Variants in ST6GALNAC5 observed in about 807,000 individuals in gnomAD.
The protein encoded by ST6GALNAC5 is alpha-N-acetylgalactosaminide alpha-2,6-sialyltransferase 5.
In ST6GALNAC5, 27 loss-of-function variants were observed where a neutral mutation model predicts 33.6. The observed-to-expected ratio is 0.80, with a 90% CI of 0.59 to 1.11. ST6GALNAC5 has a LOEUF of 1.11. ST6GALNAC5 is among the 50% of genes least tolerant of loss of function. ST6GALNAC5 has a pLI of 0.00. For synonymous variants in ST6GALNAC5, 194 were observed against 171.2 expected (o/e 1.13, Z -1.04); for missense variants, 428 against 454.0 (o/e 0.94, Z 0.52).
intron 2 of ST6GALNAC5, among the ~76,000 whole-genome samples, chr1:76,963,454 G>C (rs1157579027): frequency 3.3e-5 from 5 of 152,188 alleles, no homozygotes; most frequent in African/African-American, 9.6e-5. Context: ...ACCTTGAAAA[G>C]AGGAGATAAA....
chr1:76,912,855 C>G (rs201792363), intron 2 of ST6GALNAC5, among the ~76,000 whole-genome samples: 103 of 152,184 alleles, frequency 6.8e-4, no homozygotes, highest in Non-Finnish European at 1.2e-3. Context: ...ACACTGATGG[C>G]TCTTGACTCT....
At chr1:76,896,863 C>G (rs57468583) in intron 2 of ST6GALNAC5, among the ~76,000 whole-genome samples, 5,710 of 152,180 alleles carry the variant, frequency 0.038, 240 homozygotes, top group African/African-American at 0.11. Flanking sequence ...CCACTGCATG[C>G]AGACATGAGG....
chr1:77,006,877 G>T (rs914239042), intron 2 of ST6GALNAC5, among the ~76,000 whole-genome samples: 7 of 152,130 alleles, frequency 4.6e-5, no homozygotes, highest in Non-Finnish European at 1.0e-4. Flanking sequence ...GCTGTTCTCA[G>T]ATGGCCTCAG....
intron 4 of ST6GALNAC5, among the ~76,000 whole-genome samples, chr1:77,059,593 T>C (rs1652509760): frequency 6.6e-6 from 1 of 152,232 alleles, no homozygotes; most frequent in South Asian, 2.1e-4. Flanking sequence ...AGGTAATGTC[T>C]GCTGGGTTTA....
intron 4 of ST6GALNAC5, 48 bp downstream of exon 4, chr1:77,050,413 T>A (rs774756924): frequency 1.3e-6 from 2 of 1,542,584 alleles, no homozygotes; most frequent in East Asian, 4.5e-5. Flanking sequence ...TTGTGCAGGA[T>A]TTATAAATAT....
intron 2 of ST6GALNAC5, among the ~76,000 whole-genome samples, chr1:77,004,365 G>A (rs1271331228): frequency 2.0e-5 from 3 of 147,682 alleles, no homozygotes; most frequent in Middle Eastern, 3.3e-3. Context: ...GCACTTCTCT[G>A]TATTGGTTAT....
At chr1:76,898,666 G>A (rs1395016058) in intron 2 of ST6GALNAC5, among the ~76,000 whole-genome samples, 1 of 152,146 alleles carries the variant, frequency 6.6e-6, no homozygotes, top group African/African-American at 2.4e-5. Context: ...AGAAAAAGGA[G>A]CATTAACCTT....
chr1:77,060,005 C>G (rs182982544), intron 4 of ST6GALNAC5: 3 of 152,200 alleles, frequency 2.0e-5, no homozygotes, highest in South Asian at 4.2e-4. Flanking sequence ...CCAAGTCATC[C>G]GAAGCAGAGT....
chr1:76,965,443 C>G (rs930470694), intron 2 of ST6GALNAC5, among the ~76,000 whole-genome samples: 1 of 152,154 alleles, frequency 6.6e-6, no homozygotes, highest in Non-Finnish European at 1.5e-5. Context: ...CCTTTGCCCT[C>G]TTTTTGATGG....
At chr1:76,991,893 A>G (rs1427849081) in intron 2 of ST6GALNAC5, among the ~76,000 whole-genome samples, 1 of 152,048 alleles carries the variant, frequency 6.6e-6, no homozygotes, top group African/African-American at 2.4e-5. Context: ...TGAATTCTCA[A>G]ACTTTTAAAA....
chr1:77,003,594 C>A (rs952177081), intron 2 of ST6GALNAC5, among the ~76,000 whole-genome samples: 1 of 151,770 alleles, frequency 6.6e-6, no homozygotes, highest in Non-Finnish European at 1.5e-5. Context: ...TCTCGATGGT[C>A]TTTACATTTT....
At position 77,036,924 on chromosome 1, in the gene ST6GALNAC5, G is replaced by A. The variant is rs79692384; in HGVS notation, c.262-7280G>A. Among the ~76,000 whole-genome samples, 1,241 of 152,314 alleles carry A rather than the reference G, an allele frequency of 8.1e-3. 20 individuals are homozygous for A. The highest frequency in any genetic ancestry group is 0.029 in the African/African-American group (1,192 of 41,562). On this transcript the variant is annotated intron_variant, in intron 2 of 4. Coordinates refer to ENST00000477717, the MANE Select transcript of ST6GALNAC5 (RefSeq NM_030965.3). ...TGATGAGAGGTAGTTACAGTAGGTG[G>A]GAAAGGGAACAGTTTAGATTGAGTG... is the stretch of plus-strand genomic sequence containing the variant.
chr1:76,981,425 G>C (rs12048093), intron 2 of ST6GALNAC5, among the ~76,000 whole-genome samples: 52,340 of 152,096 alleles, frequency 0.34, 10,952 homozygotes, highest in Non-Finnish European at 0.45. Flanking sequence ...AGGCTGCAGC[G>C]TGGCTGGGGG....
intron 2 of ST6GALNAC5, among the ~76,000 whole-genome samples, chr1:76,942,522 G>T (rs1161287876): frequency 6.6e-6 from 1 of 152,038 alleles, no homozygotes; most frequent in East Asian, 1.9e-4. Context: ...CCCTGTATGT[G>T]CCAGACACTG....
chr1:76,968,209 G>A (rs1008164542), intron 2 of ST6GALNAC5, among the ~76,000 whole-genome samples: 20 of 152,090 alleles, frequency 1.3e-4, no homozygotes, highest in Admixed American at 5.9e-4. Flanking sequence ...ATTATTCTGC[G>A]GGAGTCTAAG....
chr1:76,928,158 A>G (rs1237748558), intron 2 of ST6GALNAC5, among the ~76,000 whole-genome samples: 1 of 152,134 alleles, frequency 6.6e-6, no homozygotes, highest in African/African-American at 2.4e-5. Flanking sequence ...GGTGAAATAT[A>G]GTTTCACATT....
At chr1:76,945,282 A>G (rs1288491749) in intron 2 of ST6GALNAC5, among the ~76,000 whole-genome samples, 1 of 152,068 alleles carries the variant, frequency 6.6e-6, no homozygotes, top group Admixed American at 6.6e-5. Context: ...AAAAAAAAGG[A>G]AGATTAAAAA....
intron 2 of ST6GALNAC5, among the ~76,000 whole-genome samples, chr1:76,980,784 G>T (rs943230708): frequency 3.3e-5 from 5 of 152,082 alleles, no homozygotes; most frequent in African/African-American, 4.8e-5. Flanking sequence ...GAAAATGTAG[G>T]TATAAATCTT....
intron 2 of ST6GALNAC5, among the ~76,000 whole-genome samples, chr1:76,945,464 A>G (rs1647484837): frequency 6.6e-6 from 1 of 152,006 alleles, no homozygotes; most frequent in East Asian, 1.9e-4. Flanking sequence ...ATCCCCCTCT[A>G]TTCCCTATTT....
Sources: allele counts gnomAD v4.1 joint callset (sites outside exome capture counted in the v4.1 genomes callset), GRCh38; gene constraint gnomAD v4.1.1; transcripts MANE v1.5; gene names NCBI Gene and HGNC (gene_info 2026-07-23, HGNC 2026-07-21).